PRKDC: variants seen among roughly 807,000 people sequenced by gnomAD.
PRKDC encodes protein kinase, DNA-activated, catalytic subunit.
A neutral mutation model predicts 486.9 loss-of-function variants in PRKDC; 82 were observed. The ratio of observed to expected loss-of-function variants is 0.17; its 90% CI spans 0.14 to 0.20. The LOEUF is 0.20. Ranked by LOEUF, PRKDC falls within the 10% of genes least tolerant of loss-of-function variation. The pLI is 1.00. For missense variants in PRKDC, 4,504 were observed against 5,038.2 expected (o/e 0.89, Z 3.21); for synonymous variants, 1,895 against 1,837.0 (o/e 1.03, Z -0.81).
Position 47,892,323 on chromosome 8 carries a change from T to C in PRKDC, c.3847+816A>G, listed in dbSNP as rs2089478808. Among the ~76,000 whole-genome samples, 8 of 152,262 alleles carry C rather than the reference T, an allele frequency of 5.3e-5. No individual in the cohort carries two copies. In the South Asian group the frequency reaches 1.7e-3, roughly 32 times the overall value. On this transcript the variant is annotated intron_variant, in intron 31 of 85. Coordinates refer to ENST00000314191, the MANE Select transcript of PRKDC (RefSeq NM_006904.7). ...TAATGTGCACTAATAACAAATATAA[T>C]AGTAACACAGAAGAAAATTTTTTTT...
intron 27 of PRKDC, among the ~76,000 whole-genome samples, chr8:47,901,447 C>T (rs1474898043): frequency 6.6e-6 from 1 of 152,088 alleles, no homozygotes; most frequent in Non-Finnish European, 1.5e-5. Flanking sequence ...GCACTCCAGC[C>T]TGGGTGACAG....
At chr8:47,901,743 C>T (rs1041315813) in intron 27 of PRKDC, among the ~76,000 whole-genome samples, 1 of 151,942 alleles carries the variant, frequency 6.6e-6, no homozygotes, top group Admixed American at 6.6e-5. Context: ...ACAGGTCTGG[C>T]ACATCATTTT....
At chr8:47,837,094 C>T in intron 57 of PRKDC, 118 bp downstream of exon 57, 1 of 1,170,674 alleles carries the variant, frequency 8.5e-7, no homozygotes, top group Non-Finnish European at 1.2e-6. Flanking sequence ...CTTCCCTTTC[C>T]TTTTCAGAAA....
At position 47,877,800 on chromosome 8, in the gene PRKDC, T is replaced by C; in HGVS notation, c.5287A>G (p.Thr1763Ala). 1 of 1,597,772 alleles carries C rather than the reference T, an allele frequency of 6.3e-7. No homozygotes were observed. ...SQSPMLLELMTEVLCREQQHV... is the reference protein window; with the variant it reads ...SQSPMLLELMAEVLCREQQHV... ...TGCTGTTCCCGACAAAGAACTTCTG[T>C]CATCAATTCCAACAACATAGGGCTT... The change falls in exon 40 of 86, where the codon ACA becomes GCA. Residue 1763 changes from threonine (T) to alanine (A), a missense_variant. Around this residue, in one of 6 missense-constraint regions of PRKDC, gnomAD observed 1,969 missense variants for 2,068.9 expected, o/e 0.95. Coordinates refer to ENST00000314191, the MANE Select transcript of PRKDC (RefSeq NM_006904.7).
rs61729514 is a variant in PRKDC at position 47,935,841 on chromosome 8, G to T, written c.1338C>A (p.Phe446Leu). Residue 446 changes from phenylalanine to leucine, a missense_variant, in exon 13 of 86, where the codon TTC (phenylalanine) becomes TTA (leucine). Transcript: ENST00000314191. ...EHLVVMQIDSFPQYSPKMQLV... is the reference protein window; with the variant it reads ...EHLVVMQIDSLPQYSPKMQLV... ...GCTGCATTTTTGGACTGTACTGTGGGAAACTGTCTATCTGCATCACCACGA... is the reference window on the plus strand; with the variant it reads ...GCTGCATTTTTGGACTGTACTGTGGTAAACTGTCTATCTGCATCACCACGA... 679 of 1,613,922 alleles carry T rather than the reference G, an allele frequency of 4.2e-4. 4 individuals are homozygous for T. In the African/African-American group the frequency reaches 8.3e-3, roughly 20 times the overall value.
At chr8:47,935,983 A>T (rs2090344388) in intron 12 of PRKDC, 83 bp from the exon 13 acceptor site, 2 of 1,304,142 alleles carry the variant, frequency 1.5e-6, no homozygotes, top group Admixed American at 2.4e-5. Context: ...AAGTAATTAC[A>T]ACTGAATTAG....
Position 47,789,038 on chromosome 8 carries a change from A to C in PRKDC, c.10770T>G (p.Asn3590Lys). The change falls in exon 76 of 86, where the codon AAT becomes AAG. Residue 3590 changes from asparagine (N) to lysine (K), a missense_variant. Around this residue, in one of 6 missense-constraint regions of PRKDC, gnomAD observed 706 missense variants for 945.0 expected, o/e 0.75. Coordinates refer to ENST00000314191, the MANE Select transcript of PRKDC (RefSeq NM_006904.7). Reference protein sequence around the residue: ...NPELLFKDWSNDVRAELAKTP... With the variant: ...NPELLFKDWSKDVRAELAKTP... ...TTTTTGCTAGTTCAGCTCTTACATC[A>C]TTGCTCCAATCCTGTCAGGGGAAAA... 6.2e-7 allele frequency: 1 copy of C among 1,612,320 alleles called. No homozygotes were observed. Among genetic ancestry groups the C allele is most frequent in the Non-Finnish European group, 8.5e-7 (1 of 1,179,432 alleles).
intron 73 of PRKDC, among the ~76,000 whole-genome samples, chr8:47,796,530 T>G (rs1220896015): frequency 6.6e-6 from 1 of 152,122 alleles, no homozygotes; most frequent in African/African-American, 2.4e-5. Context: ...ACCATTTATT[T>G]TGTAGATTGC....
chr8:47,846,545 T>C (rs115927838), intron 54 of PRKDC, among the ~76,000 whole-genome samples: 1,801 of 152,186 alleles, frequency 0.012, 46 homozygotes, highest in African/African-American at 0.04. Context: ...ACAGCCTACA[T>C]GATACTGAAT....
chr8:47,913,858 G>T lies in PRKDC; in HGVS notation c.2781+43C>A, dbSNP rs376509092. 281 of 1,520,324 alleles carry T rather than the reference G, an allele frequency of 1.8e-4. 1 individual carries two copies. Among genetic ancestry groups the T allele is most frequent in the Non-Finnish European group, 3.3e-5 (37 of 1,130,740 alleles). 94.2% of individuals were successfully genotyped at this position (1,520,324 alleles called of 1,614,324 possible). A position where few individuals can be genotyped will look rare whatever the true frequency, so the allele number is the denominator to read the frequency against. On this transcript the variant is annotated intron_variant, in intron 24 of 85. Coordinates refer to ENST00000314191, the MANE Select transcript of PRKDC (RefSeq NM_006904.7). The stretch of plus-strand genomic sequence containing the variant: ...ATCCTAAGCAATATGTATTTTTAAA[G>T]CAATAGGATCTAAATAATGGGTGAA...
intron 27 of PRKDC, among the ~76,000 whole-genome samples, chr8:47,900,782 G>C (rs2089666405): frequency 6.6e-6 from 1 of 151,836 alleles, no homozygotes; most frequent in African/African-American, 2.4e-5. Context: ...CCGGGAGGTG[G>C]AGCTTGCAGT....
intron 73 of PRKDC, among the ~76,000 whole-genome samples, chr8:47,797,929 C>T (rs1429008004): frequency 6.6e-6 from 1 of 152,228 alleles, no homozygotes; most frequent in Non-Finnish European, 1.5e-5. Flanking sequence ...TGGCCACAGC[C>T]TCATCTGCAG....
chr8:47,803,933 C>CA (rs58802347), intron 69 of PRKDC, among the ~76,000 whole-genome samples: 139,546 of 141,642 alleles, frequency 0.99, 68,739 homozygotes, highest in Middle Eastern at 1. Flanking sequence ...AGCAAGTCTC[C>CA]AAAAAAAAAA....
intron 19 of PRKDC, among the ~76,000 whole-genome samples, chr8:47,928,269 G>C (rs571153309): frequency 6.7e-6 from 1 of 148,602 alleles, no homozygotes; most frequent in Non-Finnish European, 1.5e-5. Flanking sequence ...CTCCTGCCTC[G>C]GCATCCCAAG....
chr8:47,924,839 C>T (rs949950134), intron 21 of PRKDC, among the ~76,000 whole-genome samples: 7 of 152,160 alleles, frequency 4.6e-5, no homozygotes, highest in Admixed American at 6.5e-5. Flanking sequence ...AATGCAACTC[C>T]ACAGTGTCCA....
chr8:47,825,112 C>G (rs1168299819), intron 63 of PRKDC, among the ~76,000 whole-genome samples: 1 of 152,106 alleles, frequency 6.6e-6, no homozygotes, highest in African/African-American at 2.4e-5. Flanking sequence ...GCCCCAGAGT[C>G]AGGGAAGAGG....
chr8:47,831,176 C>T lies in PRKDC; in HGVS notation c.8266-440G>A, dbSNP rs533540051. Among the ~76,000 whole-genome samples the T allele has an allele frequency of 1.6e-3, 251 of 152,236 alleles. 2 individuals carry two copies. Among genetic ancestry groups the T allele is most frequent in the Non-Finnish European group, 1.4e-3 (93 of 68,014 alleles). ...CAAAACAGTGCCCCGGGGGCGCAGCCCGGGAGGCCTCAGGCTCCACAAGCA... is the reference window on the plus strand; with the variant it reads ...CAAAACAGTGCCCCGGGGGCGCAGCTCGGGAGGCCTCAGGCTCCACAAGCA... On this transcript the variant is annotated intron_variant, in intron 60 of 85. Coordinates refer to ENST00000314191, the MANE Select transcript of PRKDC (RefSeq NM_006904.7).
intron 56 of PRKDC, among the ~76,000 whole-genome samples, chr8:47,838,286 ATAAG>A (rs1391381369): frequency 6.6e-6 from 1 of 152,234 alleles, no homozygotes; most frequent in African/African-American, 2.4e-5. Flanking sequence ...GAATGGAAAA[ATAAG>A]TAATATACAG....
intron 54 of PRKDC, among the ~76,000 whole-genome samples, chr8:47,843,833 G>C (rs2088206397): frequency 6.6e-6 from 1 of 152,174 alleles, no homozygotes; most frequent in Admixed American, 6.5e-5. Flanking sequence ...GTCCTTTTCA[G>C]ACAAGGAAAC....
Sources: allele counts gnomAD v4.1 joint callset (sites outside exome capture counted in the v4.1 genomes callset), GRCh38; gene constraint gnomAD v4.1.1; regional missense constraint gnomAD v4.1.1; transcripts MANE v1.5; gene names NCBI Gene and HGNC (gene_info 2026-07-23, HGNC 2026-07-21).